The following SPOCK1 variants were observed in gnomAD, a reference collection of about 807,000 sequenced individuals.
SPOCK1 encodes the protein SPARC (osteonectin), cwcv and kazal like domains proteoglycan 1, also known as testican-1.
A neutral mutation model predicts 55.3 loss-of-function variants in SPOCK1; 23 were observed. The observed-to-expected ratio is 0.42, with a 90% CI of 0.30 to 0.59. The LOEUF is 0.59. Ranked by LOEUF, SPOCK1 falls within the 20% of genes least tolerant of loss-of-function variation. The probability of loss-of-function intolerance (pLI) is 0.22; values close to 1 mark genes in which losing one functional copy is unlikely to be tolerated. For synonymous variants in SPOCK1, 226 were observed against 221.0 expected, an observed-to-expected ratio of 1.02 and a Z score of -0.20; for missense variants, 499 against 552.5, an observed-to-expected ratio of 0.90 and a Z score of 0.97.
At chr5:137,356,877 T>G (rs1450812092) in intron 2 of SPOCK1, among the ~76,000 whole-genome samples, 1 of 31,830 alleles carries the variant, frequency 3.1e-5, no homozygotes. Flanking sequence ...AGAGAGAGAG[T>G]ATGCAGACCA....
chr5:137,173,686 A>G (rs1754798166), intron 3 of SPOCK1, among the ~76,000 whole-genome samples: 1 of 152,230 alleles, frequency 6.6e-6, no homozygotes. Context: ...TTTGAATGGC[A>G]TATGAGGTCA....
At chr5:137,170,335 C>T (rs918616704) in intron 3 of SPOCK1, among the ~76,000 whole-genome samples, 1 of 152,102 alleles carries the variant, frequency 6.6e-6, no homozygotes, top group African/African-American at 2.4e-5. Flanking sequence ...CTGACTGTAC[C>T]TATGGTGTTC....
intron 5 of SPOCK1, among the ~76,000 whole-genome samples, chr5:137,079,898 A>G (rs912006645): frequency 2.6e-5 from 4 of 151,432 alleles, no homozygotes; most frequent in Non-Finnish European, 4.4e-5. Flanking sequence ...ACTCAACAAC[A>G]CACCGTCCCA....
chr5:137,004,706 A>C (rs903323214), intron 6 of SPOCK1, among the ~76,000 whole-genome samples: 1 of 152,166 alleles, frequency 6.6e-6, no homozygotes, highest in African/African-American at 2.4e-5. Flanking sequence ...AGGAAAAAAA[A>C]CCTAAATTTT....
chr5:137,294,305 T>TA (rs1436071789), intron 2 of SPOCK1, among the ~76,000 whole-genome samples: 1 of 152,194 alleles, frequency 6.6e-6, no homozygotes, highest in Non-Finnish European at 1.5e-5. Context: ...TATTAATAGA[T>TA]ACAGGCAAAA....
intron 2 of SPOCK1, among the ~76,000 whole-genome samples, chr5:137,480,674 C>T (rs957522548): frequency 6.6e-6 from 1 of 152,170 alleles, no homozygotes; most frequent in African/African-American, 2.4e-5. Context: ...CCCAACTTCT[C>T]CCCACTCCAC....
chr5:137,070,313 T>C lies in SPOCK1; in HGVS notation c.475-2484A>G, dbSNP rs530921311. Among the ~76,000 whole-genome samples, 4 of 152,296 alleles carry C rather than the reference T, an allele frequency of 2.6e-5. No homozygotes were observed. In the East Asian group the frequency reaches 7.7e-4, roughly 29 times the overall value. ...GTTTATCATAATAAGCCAATGATGT[T>C]TGGGGATTATTTGTTATTACAGCAT... On this transcript the variant is annotated intron_variant, in intron 5 of 10. Transcript: ENST00000394945.
At chr5:137,421,705 T>G (rs1752500420) in intron 2 of SPOCK1, among the ~76,000 whole-genome samples, 1 of 152,204 alleles carries the variant, frequency 6.6e-6, no homozygotes. Flanking sequence ...GCATATGACA[T>G]GAGTTTCCTG....
intron 2 of SPOCK1, among the ~76,000 whole-genome samples, chr5:137,279,250 C>T (rs993131956): frequency 2.0e-5 from 3 of 152,180 alleles, no homozygotes; most frequent in Non-Finnish European, 2.9e-5. Context: ...TAACAACTAC[C>T]CTTACCCTCT....
intron 2 of SPOCK1, among the ~76,000 whole-genome samples, chr5:137,291,117 A>G (rs1048002915): frequency 1.3e-5 from 2 of 152,216 alleles, no homozygotes; most frequent in African/African-American, 4.8e-5. Flanking sequence ...TTAACAGCAC[A>G]ATTGACCACC....
At chr5:137,376,624 T>A (rs1031546458) in intron 2 of SPOCK1, among the ~76,000 whole-genome samples, 8 of 152,284 alleles carry the variant, frequency 5.3e-5, no homozygotes, top group Admixed American at 4.6e-4. Flanking sequence ...TTCTTTTTCA[T>A]GAAAAACCCC....
At chr5:137,026,631 A>G (rs1751680864) in intron 6 of SPOCK1, among the ~76,000 whole-genome samples, 1 of 151,846 alleles carries the variant, frequency 6.6e-6, no homozygotes, top group Non-Finnish European at 1.5e-5. Flanking sequence ...CCACACACAC[A>G]CCCTCTATTG....
At chr5:137,008,109 G>A (rs1265356061) in intron 6 of SPOCK1, among the ~76,000 whole-genome samples, 1 of 148,960 alleles carries the variant, frequency 6.7e-6, no homozygotes, top group East Asian at 2.0e-4. Flanking sequence ...TGGGCACAGG[G>A]AGGGCAAAAT....
chr5:137,034,983 G>A (rs995928090), intron 6 of SPOCK1, among the ~76,000 whole-genome samples: 2 of 152,192 alleles, frequency 1.3e-5, no homozygotes, highest in African/African-American at 2.4e-5. Flanking sequence ...GGGGGCATTG[G>A]CTACCTCCAG....
In SPOCK1 at chr5:136,992,819, C is replaced by T. The variant is rs541425535; in HGVS notation, c.590-219G>A. The T allele has an allele frequency of 2.6e-4, 116 of 448,598 alleles. 1 individual carries two copies. Among genetic ancestry groups the T allele is most frequent in the Middle Eastern group, 1.1e-3 (2 of 1,788 alleles). 27.8% of individuals were successfully genotyped at this position (448,598 alleles called of 1,614,324 possible). On this transcript the variant is annotated intron_variant, in intron 6 of 10. Coordinates refer to ENST00000394945, the MANE Select transcript of SPOCK1 (RefSeq NM_004598.4). ...CAGGGCAAGCAGCCTTTGTTCAGAA[C>T]TTGAATTTGGATGGCCTCTGTGCTG...
chr5:137,015,211 G>A (rs754229325), intron 6 of SPOCK1, among the ~76,000 whole-genome samples: 12 of 151,794 alleles, frequency 7.9e-5, no homozygotes, highest in Non-Finnish European at 1.6e-4. Context: ...GGAGGCCGAG[G>A]TGGGCAGATC....
chr5:137,473,232 G>A (rs1485688961), intron 2 of SPOCK1, among the ~76,000 whole-genome samples: 1 of 152,166 alleles, frequency 6.6e-6, no homozygotes. Context: ...GAGACTGGCT[G>A]AATAAACTAC....
At chr5:137,379,783 G>C (rs577412360) in intron 2 of SPOCK1, among the ~76,000 whole-genome samples, 2 of 152,326 alleles carry the variant, frequency 1.3e-5, no homozygotes, top group East Asian at 3.9e-4. Context: ...GCCAGGGCTT[G>C]ATGTGACAAT....
intron 5 of SPOCK1, among the ~76,000 whole-genome samples, chr5:137,085,176 C>T (rs2127016137): frequency 6.6e-6 from 1 of 152,214 alleles, no homozygotes; most frequent in South Asian, 2.1e-4. Context: ...CCCTAAGTGG[C>T]ACTACTGGGG....
Sources: gnomAD v4.1 joint callset for allele counts (sites outside exome capture counted in the v4.1 genomes callset) on GRCh38, gnomAD v4.1.1 for gene constraint, MANE v1.5 for transcripts, NCBI Gene and HGNC (gene_info 2026-07-23, HGNC 2026-07-21) for gene names.